The following GMDS variants were observed in gnomAD, a reference collection of about 807,000 sequenced individuals.
GMDS encodes the protein GDP-mannose 4,6-dehydratase.
Under a neutral mutation model 49.9 loss-of-function variants are expected in GMDS, and 20 were observed. That is an observed-to-expected ratio of 0.40 (90% CI 0.28 to 0.58). The LOEUF (loss-of-function observed/expected upper bound fraction) is 0.58, where lower values mean the gene tolerates loss of function less well. Ranked by LOEUF, GMDS falls within the 20% of genes least tolerant of loss-of-function variation. GMDS has a pLI of 0.42. For synonymous variants in GMDS, 177 were observed against 178.6 expected, an observed-to-expected ratio of 0.99 and a Z score of 0.07; for missense variants, 362 against 481.4, an observed-to-expected ratio of 0.75 and a Z score of 2.32.
rs141672699 is a variant in GMDS at position 2,088,754 on chromosome 6, C to T, written c.345+27017G>A. 8.5e-5 allele frequency among the ~76,000 whole-genome samples: 13 copies of T among 152,204 alleles called. No individual in the cohort carries two copies. The East Asian group carries it at 2.5e-3, about 29-fold the overall frequency. On this transcript the variant is annotated intron_variant, in intron 4 of 10. Coordinates refer to ENST00000380815, the MANE Select transcript of GMDS (RefSeq NM_001500.4). ...CCCTAAGCATGGTTTATGTTGGCAC[C>T]ACTCTTTCCCTATATCCCACCACCA...
At chr6:2,154,882 A>AAAAAAAAAAAAAAAAAAAAAAAAAAAAC (rs1777031137) in intron 1 of GMDS, among the ~76,000 whole-genome samples, 1 of 150,716 alleles carries the variant, frequency 6.6e-6, no homozygotes, top group Non-Finnish European at 1.5e-5. Context: ...AAAAAAAAAA[A>AAAAAAAAAAAAAAAAAAAAAAAAAAAAC]AAAAGACAAA....
chr6:1,751,107 A>G (rs6931639), intron 7 of GMDS, among the ~76,000 whole-genome samples: 149,278 of 152,284 alleles, frequency 0.98, 73,182 homozygotes, highest in East Asian at 1. Flanking sequence ...ATCTCCCTGG[A>G]ACAGAGCACC....
chr6:1,822,037 T>C (rs1770924813), intron 7 of GMDS, among the ~76,000 whole-genome samples: 1 of 152,216 alleles, frequency 6.6e-6, no homozygotes, highest in African/African-American at 2.4e-5. Context: ...TAAAGCTCTT[T>C]GTTTTCCTTC....
intron 7 of GMDS, among the ~76,000 whole-genome samples, chr6:1,899,313 T>G (rs538383183): frequency 6.6e-6 from 1 of 152,168 alleles, no homozygotes; most frequent in East Asian, 1.9e-4. Flanking sequence ...TTTTCCTGCA[T>G]GCTTTGATCC....
At chr6:1,648,098 T>G (rs1429572618) in intron 9 of GMDS, among the ~76,000 whole-genome samples, 2 of 152,208 alleles carry the variant, frequency 1.3e-5, no homozygotes, top group Non-Finnish European at 2.9e-5. Context: ...ATATATCTCT[T>G]GAGAGAGTGA....
chr6:2,118,431 C>T (rs1774966699), intron 2 of GMDS, among the ~76,000 whole-genome samples: 1 of 152,182 alleles, frequency 6.6e-6, no homozygotes, highest in African/African-American at 2.4e-5. Context: ...AGTGTTCCTT[C>T]TTATGCTGAA....
At chr6:2,185,753 T>C (rs1778749900) in intron 1 of GMDS, among the ~76,000 whole-genome samples, 2 of 152,262 alleles carry the variant, frequency 1.3e-5, no homozygotes, top group South Asian at 4.1e-4. Flanking sequence ...CATAACCCAA[T>C]TTCCTGAAGC....
chr6:2,112,257 C>T (rs1292301195), intron 4 of GMDS, among the ~76,000 whole-genome samples: 1 of 152,156 alleles, frequency 6.6e-6, no homozygotes, highest in Admixed American at 6.5e-5. Flanking sequence ...TCTTATAACT[C>T]CTGACTGCAG....
chr6:2,071,675 C>T (rs575872565), intron 4 of GMDS, among the ~76,000 whole-genome samples: 2 of 147,448 alleles, frequency 1.4e-5, no homozygotes, highest in Admixed American at 6.7e-5. Context: ...ATACGGGATA[C>T]TTCACATTTA....
At chr6:1,893,193 CTT>C (rs1197199049) in intron 7 of GMDS, among the ~76,000 whole-genome samples, 7 of 127,478 alleles carry the variant, frequency 5.5e-5, no homozygotes, top group African/African-American at 8.9e-5. Flanking sequence ...TTTTTGTTTT[CTT>C]TTTTTTTTTT....
intron 9 of GMDS, among the ~76,000 whole-genome samples, chr6:1,699,904 A>G (rs1012944470): frequency 6.6e-6 from 1 of 152,246 alleles, no homozygotes; most frequent in African/African-American, 2.4e-5. Flanking sequence ...TGAGGGGCAC[A>G]CACAGCCTCC....
At chr6:2,161,089 G>A (rs1420867588) in intron 1 of GMDS, among the ~76,000 whole-genome samples, 1 of 151,302 alleles carries the variant, frequency 6.6e-6, no homozygotes, top group Non-Finnish European at 1.5e-5. Flanking sequence ...TCGGCTCACT[G>A]CAACCTCTGC....
intron 4 of GMDS, among the ~76,000 whole-genome samples, chr6:1,980,063 GA>G (rs1329357546): frequency 1.3e-5 from 2 of 152,126 alleles, no homozygotes; most frequent in Non-Finnish European, 2.9e-5. Flanking sequence ...ATATGAAAAG[GA>G]AAACCTGTTA....
intron 7 of GMDS, among the ~76,000 whole-genome samples, chr6:1,865,618 G>C (rs1758404856): frequency 6.6e-6 from 1 of 151,978 alleles, no homozygotes; most frequent in African/African-American, 2.4e-5. Flanking sequence ...AGAATGCTTA[G>C]GTTAAAAAAG....
At chr6:1,888,227 A>G (rs1252944077) in intron 7 of GMDS, among the ~76,000 whole-genome samples, 1 of 150,280 alleles carries the variant, frequency 6.7e-6, no homozygotes, top group Non-Finnish European at 1.5e-5. Context: ...CCATATTAGT[A>G]TGTTTTCACA....
intron 4 of GMDS, among the ~76,000 whole-genome samples, chr6:2,036,523 G>T (rs975948309): frequency 6.6e-6 from 1 of 152,164 alleles, no homozygotes. Context: ...AACTGTTCTA[G>T]GCTTTAGCAA....
Position 1,999,139 on chromosome 6 carries a change from T to C in GMDS, c.346-38173A>G, listed in dbSNP as rs530763363. On this transcript the variant is annotated intron_variant, in intron 4 of 10. Coordinates refer to ENST00000380815, the MANE Select transcript of GMDS (RefSeq NM_001500.4). ...GAAATCGAGACCAGCCTGGCCAACA[T>C]GGTGAAACCCCGTCTCTACTAAAAA... Among the ~76,000 whole-genome samples the C allele has an allele frequency of 2.8e-4, 43 of 152,046 alleles. No individual in the cohort carries two copies. The South Asian group carries it at 7.7e-3, about 27-fold the overall frequency.
chr6:2,038,479 C>T (rs183420881), intron 4 of GMDS, among the ~76,000 whole-genome samples: 13 of 152,226 alleles, frequency 8.5e-5, no homozygotes, highest in African/African-American at 2.4e-5. Flanking sequence ...CCACTGGGCC[C>T]GCACACTTCA....
At chr6:2,004,315 C>T (rs893739752) in intron 4 of GMDS, among the ~76,000 whole-genome samples, 1 of 152,162 alleles carries the variant, frequency 6.6e-6, no homozygotes, top group African/African-American at 2.4e-5. Flanking sequence ...TTGTGGAGAT[C>T]ATGACCTATG....
Sources: allele counts gnomAD v4.1 joint callset (sites outside exome capture counted in the v4.1 genomes callset), GRCh38; gene constraint gnomAD v4.1.1; transcripts MANE v1.5; gene names NCBI Gene and HGNC (gene_info 2026-07-23, HGNC 2026-07-21).